The following SLC35D2 variants were observed in gnomAD, a reference collection of about 807,000 sequenced individuals.
The protein encoded by SLC35D2 is nucleotide sugar transporter SLC35D2.
SLC35D2 carries 43 observed loss-of-function variants against 41.8 expected under a neutral mutation model. The observed-to-expected ratio is 1.03, with a 90% CI of 0.81 to 1.33. The LOEUF is 1.33. Among genes scored for constraint, SLC35D2 ranks in the 40% most tolerant of loss-of-function variants. The pLI is 0.00. For missense variants in SLC35D2, 380 were observed against 408.4 expected (o/e 0.93, Z 0.60); for synonymous variants, 150 against 163.9 (o/e 0.92, Z 0.65).
At position 96,321,351 on chromosome 9, in the gene SLC35D2, GA is replaced by G. The variant is rs757378621; in HGVS notation, c.915-11del. On this transcript the variant is annotated splice_polypyrimidine_tract_variant and intron_variant, in intron 11 of 11. Coordinates refer to ENST00000253270, the MANE Select transcript of SLC35D2 (RefSeq NM_007001.3). The stretch of plus-strand genomic sequence containing the variant: ...CAAGCCCCCTGCCATGCTGAAAGGA[GA>G]AAAAAAAGTGAAAATAAATGACTGG... 1.4e-5 allele frequency: 22 copies of G among 1,596,970 alleles called. No individual in the cohort carries two copies. The highest frequency in any genetic ancestry group is 1.1e-4 in the African/African-American group (8 of 74,020).
chr9:96,367,486 G>A (rs540934831), intron 2 of SLC35D2, among the ~76,000 whole-genome samples: 5 of 152,094 alleles, frequency 3.3e-5, no homozygotes, highest in East Asian at 1.9e-4. Flanking sequence ...CCAAATGGGC[G>A]TAGTTTGAAA....
At chr9:96,329,108 A>G (rs1264132010) in intron 9 of SLC35D2, among the ~76,000 whole-genome samples, 1 of 151,466 alleles carries the variant, frequency 6.6e-6, no homozygotes, top group Non-Finnish European at 1.5e-5. Context: ...AAAAAAAGAC[A>G]TTATTTATGT....
At chr9:96,343,432 A>G (rs1829430035) in intron 8 of SLC35D2, among the ~76,000 whole-genome samples, 1 of 152,260 alleles carries the variant, frequency 6.6e-6, no homozygotes, top group Admixed American at 6.5e-5. Context: ...GAGGACAGAT[A>G]AAATAAGATG....
rs925624668 is a variant in SLC35D2, at chr9:96,336,935, A to G, written c.685-151T>C. 7.1e-6 allele frequency: 4 copies of G among 559,988 alleles called. No homozygotes were observed. The African/African-American group carries it at 7.5e-5, about 11-fold the overall frequency. 34.7% of individuals were successfully genotyped at this position (559,988 alleles called of 1,614,324 possible). The stretch of plus-strand genomic sequence containing the variant: ...TCCTAGGTCATACTAGTTGTGGGAC[A>G]TTGGGCAAATTTATTTTCTTCCCTG... On this transcript the variant is annotated intron_variant, in intron 8 of 11. Transcript: ENST00000253270.
chr9:96,362,608 G>A (rs1288639159), intron 3 of SLC35D2, among the ~76,000 whole-genome samples: 6 of 152,088 alleles, frequency 3.9e-5, no homozygotes, highest in Non-Finnish European at 7.4e-5. Flanking sequence ...TAGTGGGTAA[G>A]GAAGACTTTG....
chr9:96,356,362 C>T (rs894898761), intron 4 of SLC35D2, among the ~76,000 whole-genome samples: 15 of 147,438 alleles, frequency 1.0e-4, no homozygotes, highest in Admixed American at 2.1e-4. Flanking sequence ...CCTATCGAAT[C>T]TTAGCTGGCT....
In SLC35D2 at chr9:96,353,057, T is replaced by C. The variant is rs1829871985; in HGVS notation, c.348-948A>G. Among the ~76,000 whole-genome samples, 3 of 151,952 alleles carry C rather than the reference T, an allele frequency of 2.0e-5. 1 individual carries two copies. The South Asian group carries it at 6.2e-4, about 32-fold the overall frequency. ...TTCTGACCTTGGACCTAATTACTTC[T>C]TCTTGGGAAACTTATTCTAAGGTAA... On this transcript the variant is annotated intron_variant, in intron 4 of 11. Transcript: ENST00000253270.
At chr9:96,332,221 G>C (rs1048454363) in intron 9 of SLC35D2, among the ~76,000 whole-genome samples, 2 of 152,124 alleles carry the variant, frequency 1.3e-5, no homozygotes, top group Non-Finnish European at 2.9e-5. Context: ...GAGTGGGCTC[G>C]CCTCGAGTCT....
At chr9:96,350,347 C>CTTTTTT (rs57531044) in intron 6 of SLC35D2, among the ~76,000 whole-genome samples, 9 of 91,008 alleles carry the variant, frequency 9.9e-5, no homozygotes, top group South Asian at 3.6e-4. Flanking sequence ...ATTTTCTTTC[C>CTTTTTT]TTTTTTTTTT....
chr9:96,381,494 T>C (rs35687115), intron 1 of SLC35D2, among the ~76,000 whole-genome samples: 4,254 of 152,278 alleles, frequency 0.028, 75 homozygotes, highest in Middle Eastern at 0.058. Flanking sequence ...CACCTCACTC[T>C]GGTCTTGGCT....
At chr9:96,370,043 G>A (rs1370417337) in intron 1 of SLC35D2, among the ~76,000 whole-genome samples, 1 of 152,124 alleles carries the variant, frequency 6.6e-6, no homozygotes, top group East Asian at 1.9e-4. Flanking sequence ...TCCCCAGCTG[G>A]GTCCTCTGCT....
chr9:96,322,674 G>A (rs5000921), intron 10 of SLC35D2, among the ~76,000 whole-genome samples: 22,105 of 150,038 alleles, frequency 0.15, 1,925 homozygotes, highest in East Asian at 0.29. Context: ...AGCTTGCCAG[G>A]TTCCTATCTC....
rs148669134 is a variant in SLC35D2 at position 96,360,435 on chromosome 9, A to T, written c.280-214T>A. Reference sequence around the variant, plus strand: ...CACGAGGTCAGGAGTTCGAGACCAGACTGACCAACACAGCGAAACCCCATT... The same window carrying T: ...CACGAGGTCAGGAGTTCGAGACCAGTCTGACCAACACAGCGAAACCCCATT... On this transcript the variant is annotated intron_variant, in intron 3 of 11. Transcript: ENST00000253270. 3.9e-3 allele frequency among the ~76,000 whole-genome samples: 600 copies of T among 151,912 alleles called. 2 individuals are homozygous for T. Among genetic ancestry groups the T allele is most frequent in the African/African-American group, 0.014 (566 of 41,488 alleles).
At chr9:96,382,289 T>C (rs1425885341) in intron 1 of SLC35D2, among the ~76,000 whole-genome samples, 3 of 151,574 alleles carry the variant, frequency 2.0e-5, no homozygotes, top group Non-Finnish European at 4.4e-5. Flanking sequence ...ACCCCACCTC[T>C]ACAAAAAATC....
chr9:96,348,445 CAGCGTGGAT>C (rs905757369), intron 6 of SLC35D2, among the ~76,000 whole-genome samples: 9 of 152,298 alleles, frequency 5.9e-5, no homozygotes, highest in East Asian at 1.9e-4. Context: ...TAGTGTTGGA[CAGCGTGGAT>C]GGCGTGGATG....
intron 7 of SLC35D2, 112 bp from the exon 8 acceptor site, chr9:96,344,108 G>C: frequency 1.6e-6 from 1 of 610,422 alleles, no homozygotes; most frequent in Non-Finnish European, 2.8e-6. Context: ...TGCATTCTGA[G>C]CAACTCTTTT....
intron 6 of SLC35D2, among the ~76,000 whole-genome samples, chr9:96,348,324 C>T (rs1829666242): frequency 6.6e-6 from 1 of 152,230 alleles, no homozygotes; most frequent in Admixed American, 6.5e-5. Flanking sequence ...TAATTCCCCA[C>T]CTTCCCTTTT....
chr9:96,360,773 C>T (rs938178032), intron 3 of SLC35D2, among the ~76,000 whole-genome samples: 4 of 151,386 alleles, frequency 2.6e-5, no homozygotes, highest in Non-Finnish European at 5.9e-5. Flanking sequence ...CAGAGTTTTG[C>T]TCTTATTGCC....
At chr9:96,342,872 C>G (rs1829397546) in intron 8 of SLC35D2, among the ~76,000 whole-genome samples, 1 of 152,188 alleles carries the variant, frequency 6.6e-6, no homozygotes, top group African/African-American at 2.4e-5. Context: ...ATGGGATTGA[C>G]TTTCAACTGG....
Sources: allele counts gnomAD v4.1 joint callset (sites outside exome capture counted in the v4.1 genomes callset), GRCh38; gene constraint gnomAD v4.1.1; transcripts MANE v1.5; gene names NCBI Gene and HGNC (gene_info 2026-07-23, HGNC 2026-07-21).